Variants in CHKA observed in about 807,000 individuals in gnomAD.
CHKA encodes choline kinase alpha.
CHKA carries 34 observed loss-of-function variants against 60.1 expected under a neutral mutation model. The observed-to-expected ratio is 0.57, with a 90% CI of 0.43 to 0.75. CHKA has a LOEUF of 0.75. Among genes scored for constraint, CHKA ranks in the 30% least tolerant of loss-of-function variants. The pLI, the probability that CHKA is intolerant of heterozygous loss-of-function variation, is 0.00. For synonymous variants in CHKA, 217 were observed against 223.1 expected (o/e 0.97, Z 0.24); for missense variants, 563 against 561.3 (o/e 1.00, Z -0.03).
chr11:68,109,688 C>T (rs1292133595), intron 1 of CHKA, among the ~76,000 whole-genome samples: 1 of 152,158 alleles, frequency 6.6e-6, no homozygotes, highest in Non-Finnish European at 1.5e-5. Flanking sequence ...TGTGGTGGCT[C>T]GTGCCTGTAG....
Position 68,091,039 on chromosome 11 carries a change from A to C in CHKA, c.462+5980T>G, listed in dbSNP as rs577778791. Among the ~76,000 whole-genome samples, 3 of 152,324 alleles carry C rather than the reference A, an allele frequency of 2.0e-5. No homozygotes were observed. The South Asian group carries it at 6.2e-4, about 32-fold the overall frequency. ...GCAAACTGGTTATTTGTAATCAGCC[A>C]AACTTGCTTCTCTGAAAAGGCTGCT... On this transcript the variant is annotated intron_variant, in intron 2 of 11. Transcript: ENST00000265689.
At chr11:68,066,801 T>G (rs1327524440) in intron 7 of CHKA, among the ~76,000 whole-genome samples, 1 of 152,192 alleles carries the variant, frequency 6.6e-6, no homozygotes, top group African/African-American at 2.4e-5. Flanking sequence ...GGCCTCTTGC[T>G]CTGCTGTCAG....
intron 4 of CHKA, 71 bp downstream of exon 4, chr11:68,074,646 C>T (rs1856725877): frequency 8.3e-6 from 11 of 1,330,104 alleles, no homozygotes; most frequent in Non-Finnish European, 1.2e-5. Context: ...CAGGTTCTTG[C>T]AGCAATGAGA....
At chr11:68,120,484 G>A (rs973500471) in intron 1 of CHKA, among the ~76,000 whole-genome samples, 4 of 152,328 alleles carry the variant, frequency 2.6e-5, no homozygotes, top group Admixed American at 2.6e-4. Flanking sequence ...GCCCTAAACC[G>A]CAGAGACTTT....
chr11:68,070,377 A>G, intron 5 of CHKA, 84 bp from the exon 6 acceptor site: 4 of 1,033,068 alleles, frequency 3.9e-6, no homozygotes, highest in Admixed American at 1.8e-5. Flanking sequence ...GCTTTGGTTA[A>G]ACATTCAATC....
chr11:68,075,234 G>A (rs1293495291), intron 3 of CHKA, among the ~76,000 whole-genome samples: 2 of 152,058 alleles, frequency 1.3e-5, no homozygotes, highest in Non-Finnish European at 2.9e-5. Flanking sequence ...GGTTGAGTGT[G>A]TCTAGTTAAA....
chr11:68,074,939 A>C, intron 3 of CHKA, 109 bp from the exon 4 acceptor site: 1 of 913,552 alleles, frequency 1.1e-6, no homozygotes, highest in East Asian at 2.6e-5. Flanking sequence ...GTATTCTTTC[A>C]CGTGGGCACT....
In CHKA at chr11:68,070,877, T is replaced by C; in HGVS notation, c.631-20A>G. 6.2e-7 allele frequency: 1 copy of C among 1,600,300 alleles called. No homozygotes were observed. The highest frequency in any genetic ancestry group is 8.5e-7 in the Non-Finnish European group (1 of 1,170,096). On this transcript the variant is annotated intron_variant, in intron 4 of 11. Coordinates refer to ENST00000265689, the MANE Select transcript of CHKA (RefSeq NM_001277.3). ...CCGGCTCTGAAAAAGAAAAGGGAGT[T>C]AAAAACTGACATTTACCAAGTAAAC...
chr11:68,057,031 C>T (rs1034280202), intron 11 of CHKA, among the ~76,000 whole-genome samples: 1 of 152,190 alleles, frequency 6.6e-6, no homozygotes, highest in Non-Finnish European at 1.5e-5. Context: ...TCTCAACCCT[C>T]AACCTGTGGG....
chr11:68,120,762 ACCCCGCCCCGG>A (rs2153034601), intron 1 of CHKA, 55 bp downstream of exon 1: 5 of 332,120 alleles, frequency 1.5e-5, no homozygotes, highest in Non-Finnish European at 2.1e-5. Context: ...CCCTGCCCGG[ACCCCGCCCCGG>A]CCCCGCCCCG....
At chr11:68,068,858 A>T (rs748037428) in intron 7 of CHKA, 21 bp downstream of exon 7, 6 of 1,579,440 alleles carry the variant, frequency 3.8e-6, no homozygotes, top group South Asian at 1.1e-5. Context: ...CTCATCTGTA[A>T]CAGAACATAG....
rs1858654159 is a variant in CHKA, at chr11:68,121,382, C to G, written c.-205G>C. On this transcript the variant is annotated 5_prime_UTR_variant, in exon 1 of 12. Transcript: ENST00000265689. ...GATGTGCTGCTGGCCGCTGCACTCG[C>G]TCCTCTGCCGCCGCCGCACGAGGAG... is the stretch of plus-strand genomic sequence containing the variant. 2.1e-5 allele frequency: 4 copies of G among 187,382 alleles called. No individual in the cohort carries two copies. In the Admixed American group the frequency reaches 2.6e-4, roughly 12 times the overall value. 11.6% of individuals were successfully genotyped at this position (187,382 alleles called of 1,614,324 possible).
chr11:68,094,507 C>T (rs1157740588), intron 2 of CHKA, among the ~76,000 whole-genome samples: 4 of 152,220 alleles, frequency 2.6e-5, no homozygotes, highest in Admixed American at 6.5e-5. Context: ...TGCCACTACA[C>T]TACAGCCTGG....
intron 1 of CHKA, among the ~76,000 whole-genome samples, chr11:68,113,077 G>A (rs1185369283): frequency 5.4e-4 from 7 of 12,858 alleles, no homozygotes; most frequent in African/African-American, 1.0e-3. Flanking sequence ...GCAAGACTCC[G>A]TCTCAAAAAA....
At chr11:68,096,791 G>A (rs1857528655) in intron 2 of CHKA, among the ~76,000 whole-genome samples, 1 of 151,924 alleles carries the variant, frequency 6.6e-6, no homozygotes, top group Admixed American at 6.6e-5. Flanking sequence ...TGTAAAACTG[G>A]GAATACTTGC....
At chr11:68,072,534 G>C (rs1856651557) in intron 4 of CHKA, among the ~76,000 whole-genome samples, 1 of 130,188 alleles carries the variant, frequency 7.7e-6, no homozygotes, top group African/African-American at 2.9e-5. Context: ...CTGGGCAATA[G>C]AGTGAGACCC....
chr11:68,066,487 T>C lies in CHKA; in HGVS notation c.958A>G (p.Asn320Asp). Residue 320 changes from asparagine (N) to aspartate (D), a missense_variant, in exon 8 of 12, where the codon AAT (asparagine) becomes GAT (aspartate). By Grantham distance (23) the Asn-to-Asp change is conservative (BLOSUM62 1). Coordinates refer to ENST00000265689, the MANE Select transcript of CHKA (RefSeq NM_001277.3). Reference sequence around the variant, plus strand: ...AGCATCAGTTTCTGTTTTTCAGAATTCTCTCGGCCTTCCAGCAACAAGATA... The same window carrying C: ...AGCATCAGTTTCTGTTTTTCAGAATCCTCTCGGCCTTCCAGCAACAAGATA... ...GNILLLEGRE[N>D]SEKQKLMLID... 6.2e-7 allele frequency: 1 copy of C among 1,614,214 alleles called. No homozygotes were observed.
Position 68,061,210 on chromosome 11 carries a change from G to A in CHKA, c.1314+743C>T, listed in dbSNP as rs369158617. On this transcript the variant is annotated intron_variant, in intron 11 of 11. Coordinates refer to ENST00000265689, the MANE Select transcript of CHKA (RefSeq NM_001277.3). ...CAACCTCCACCTCCTGGGTTCAAGC[G>A]GTTCTCCTGCCTCAGCCTCTTGAGT... Among the ~76,000 whole-genome samples, 354 of 148,206 alleles carry A rather than the reference G, an allele frequency of 2.4e-3. 1 individual carries two copies. Among genetic ancestry groups the A allele is most frequent in the African/African-American group, 8.1e-3 (323 of 39,976 alleles).
At chr11:68,109,198 T>TCCTGCCTCAG (rs1858039581) in intron 1 of CHKA, among the ~76,000 whole-genome samples, 1 of 146,956 alleles carries the variant, frequency 6.8e-6, no homozygotes, top group Non-Finnish European at 1.5e-5. Flanking sequence ...CACACCATTC[T>TCCTGCCTCAG]CCTGCCTCAG....
Sources: allele counts gnomAD v4.1 joint callset (sites outside exome capture counted in the v4.1 genomes callset), GRCh38; gene constraint gnomAD v4.1.1; transcripts MANE v1.5; gene names NCBI Gene and HGNC (gene_info 2026-07-23, HGNC 2026-07-21).